L3MBTL4: variants seen among roughly 807,000 people sequenced by gnomAD.
L3MBTL4 encodes the protein L3MBTL histone methyl-lysine binding protein 4.
In L3MBTL4, 70 loss-of-function variants were observed where a neutral mutation model predicts 84.5. The observed-to-expected ratio is 0.83, with a 90% CI of 0.68 to 1.01. The LOEUF is 1.01. Ranked by LOEUF, L3MBTL4 falls within the 50% of genes least tolerant of loss-of-function variation. L3MBTL4 has a pLI of 0.00. For synonymous variants in L3MBTL4, 274 were observed against 259.8 expected (o/e 1.05, Z -0.52); for missense variants, 715 against 754.8 (o/e 0.95, Z 0.62).
intron 14 of L3MBTL4, among the ~76,000 whole-genome samples, chr18:6,101,982 TA>T (rs1173117330): frequency 1.3e-5 from 2 of 152,178 alleles, no homozygotes; most frequent in Non-Finnish European, 2.9e-5. Context: ...TCACTCCCTA[TA>T]AAACCTAAGC....
chr18:6,046,053 C>A (rs2056607512), intron 16 of L3MBTL4, among the ~76,000 whole-genome samples: 1 of 151,906 alleles, frequency 6.6e-6, no homozygotes, highest in South Asian at 2.1e-4. Flanking sequence ...ATCTATCATG[C>A]AAGCAGGAAA....
intron 1 of L3MBTL4, among the ~76,000 whole-genome samples, chr18:6,324,733 G>C (rs899704393): frequency 6.8e-6 from 1 of 147,096 alleles, no homozygotes; most frequent in African/African-American, 2.6e-5. Context: ...AAACCATGCA[G>C]TCAAGCCCAG....
intron 4 of L3MBTL4, among the ~76,000 whole-genome samples, chr18:6,271,915 G>A (rs897168494): frequency 2.0e-5 from 3 of 152,224 alleles, no homozygotes; most frequent in African/African-American, 7.2e-5. Flanking sequence ...GGACCGCAGA[G>A]GCAGAGATTT....
At chr18:6,094,133 A>G (rs2058552423) in intron 14 of L3MBTL4, among the ~76,000 whole-genome samples, 1 of 152,182 alleles carries the variant, frequency 6.6e-6, no homozygotes, top group African/African-American at 2.4e-5. Flanking sequence ...CTGAGTCCTG[A>G]GTCCTGGATG....
At chr18:6,371,085 A>T (rs163750) in intron 1 of L3MBTL4, among the ~76,000 whole-genome samples, 92,666 of 152,018 alleles carry the variant, frequency 0.61, 28,782 homozygotes, top group African/African-American at 0.75. Context: ...TGTAAATATT[A>T]AGGCTTTGAG....
intron 5 of L3MBTL4, among the ~76,000 whole-genome samples, chr18:6,246,272 T>C (rs1343475756): frequency 3.9e-5 from 6 of 152,214 alleles, no homozygotes; most frequent in South Asian, 4.1e-4. Context: ...CTGTCAAAAG[T>C]GTTTTTCAAT....
At chr18:6,408,018 C>A (rs2055806675) in intron 1 of L3MBTL4, among the ~76,000 whole-genome samples, 1 of 152,038 alleles carries the variant, frequency 6.6e-6, no homozygotes, top group South Asian at 2.1e-4. Context: ...AGATACCATC[C>A]CCTCCAAACA....
intron 10 of L3MBTL4, among the ~76,000 whole-genome samples, chr18:6,222,295 G>A (rs1291573788): frequency 6.6e-6 from 1 of 152,180 alleles, no homozygotes; most frequent in Non-Finnish European, 1.5e-5. Context: ...TCTACAGTAT[G>A]AAATATCAGC....
At chr18:6,078,592 C>T (rs1244787606) in intron 16 of L3MBTL4, among the ~76,000 whole-genome samples, 3 of 152,020 alleles carry the variant, frequency 2.0e-5, no homozygotes, top group Non-Finnish European at 4.4e-5. Flanking sequence ...GTCTCAGCCA[C>T]GTTAGAACGA....
At chr18:6,014,350 A>T (rs956748248) in intron 16 of L3MBTL4, among the ~76,000 whole-genome samples, 6 of 152,212 alleles carry the variant, frequency 3.9e-5, no homozygotes, top group Non-Finnish European at 7.3e-5. Flanking sequence ...CAGTAAACAG[A>T]TCATCCATCC....
At position 5,960,191 on chromosome 18, in the gene L3MBTL4, T is replaced by C. The variant is rs149476824; in HGVS notation, c.1615-35A>G. 3.4e-4 allele frequency: 460 copies of C among 1,363,302 alleles called. 1 individual carries two copies. The African/African-American group carries it at 5.1e-3, about 15-fold the overall frequency. The allele number at this position is 1,363,302 out of a possible 1,614,324, so 84.5% of individuals were successfully genotyped here. A position where few individuals can be genotyped will look rare whatever the true frequency, so the allele number is the denominator to read the frequency against. ...GAGATGAAAAGCCTAATTTAATACA[T>C]GCACCTGAAATAATTTGGGGGTTGC... is the stretch of plus-strand genomic sequence containing the variant. On this transcript the variant is annotated intron_variant, in intron 17 of 18. Coordinates refer to ENST00000317931, the MANE Select transcript of L3MBTL4 (RefSeq NM_001330559.2).
chr18:6,109,070 C>T (rs1172699903), intron 14 of L3MBTL4, among the ~76,000 whole-genome samples: 1 of 152,046 alleles, frequency 6.6e-6, no homozygotes, highest in Non-Finnish European at 1.5e-5. Flanking sequence ...CAGATGTGTA[C>T]TTTTAGAGGG....
chr18:6,377,374 C>A (rs2054411391), intron 1 of L3MBTL4, among the ~76,000 whole-genome samples: 1 of 152,006 alleles, frequency 6.6e-6, no homozygotes, highest in African/African-American at 2.4e-5. Flanking sequence ...GCAGAAAGTG[C>A]AGTTTTATTA....
intron 16 of L3MBTL4, among the ~76,000 whole-genome samples, chr18:5,978,108 G>C (rs534708918): frequency 1.3e-5 from 2 of 152,310 alleles, no homozygotes; most frequent in East Asian, 3.9e-4. Flanking sequence ...GGATAGATAA[G>C]GCAGTGGCAA....
At chr18:6,136,248 A>G (rs9954655) in intron 14 of L3MBTL4, among the ~76,000 whole-genome samples, 7,949 of 152,250 alleles carry the variant, frequency 0.052, 701 homozygotes, top group African/African-American at 0.18. Context: ...ACCATATCAC[A>G]GCCCCTCCCA....
At chr18:6,199,139 CAAAT>C (rs2045537043) in intron 12 of L3MBTL4, among the ~76,000 whole-genome samples, 1 of 152,174 alleles carries the variant, frequency 6.6e-6, no homozygotes, top group Non-Finnish European at 1.5e-5. Context: ...ACAGAGAAGA[CAAAT>C]GAATAAACTA....
intron 5 of L3MBTL4, among the ~76,000 whole-genome samples, chr18:6,254,052 G>A (rs2048035489): frequency 6.6e-6 from 1 of 152,132 alleles, no homozygotes; most frequent in Non-Finnish European, 1.5e-5. Flanking sequence ...TCAGAGTGGG[G>A]TTCATGATGT....
At chr18:5,971,119 T>C (rs766837765) in intron 16 of L3MBTL4, among the ~76,000 whole-genome samples, 5 of 152,230 alleles carry the variant, frequency 3.3e-5, no homozygotes, top group Non-Finnish European at 5.9e-5. Flanking sequence ...CAGCCAACAG[T>C]ATGTAAGCCT....
chr18:6,029,639 G>A (rs887673958), intron 16 of L3MBTL4: 2 of 985,040 alleles, frequency 2.0e-6, no homozygotes, highest in African/African-American at 3.5e-5. Context: ...AACTTAAAAT[G>A]CAATTACAGG....
Sources: gnomAD v4.1 joint callset for allele counts (sites outside exome capture counted in the v4.1 genomes callset) on GRCh38, gnomAD v4.1.1 for gene constraint, MANE v1.5 for transcripts, NCBI Gene and HGNC (gene_info 2026-07-23, HGNC 2026-07-21) for gene names.